The following PDGFRA variants were observed in gnomAD, a reference collection of about 807,000 sequenced individuals.
PDGFRA encodes platelet derived growth factor receptor alpha.
In PDGFRA, 25 loss-of-function variants were observed where a neutral mutation model predicts 121.5. The ratio of observed to expected loss-of-function variants is 0.21; its 90% CI spans 0.15 to 0.29. The LOEUF (loss-of-function observed/expected upper bound fraction) is 0.29, where lower values mean the gene tolerates loss of function less well. Ranked by LOEUF, PDGFRA falls within the 10% of genes least tolerant of loss-of-function variation. The pLI is 1.00. For synonymous variants in PDGFRA, 463 were observed against 494.8 expected (o/e 0.94, Z 0.85); for missense variants, 1,008 against 1,345.1 (o/e 0.75, Z 3.92).
chr4:54,284,100 T>C (rs1560487803), intron 16 of PDGFRA, among the ~76,000 whole-genome samples: 2 of 152,200 alleles, frequency 1.3e-5, no homozygotes, highest in Non-Finnish European at 2.9e-5. Flanking sequence ...GTGGCCAAGT[T>C]CTTTGCTGAA....
At chr4:54,290,113 C>G (rs1724549271) in intron 21 of PDGFRA, among the ~76,000 whole-genome samples, 200 bp from the exon 22 acceptor site, 1 of 152,214 alleles carries the variant, frequency 6.6e-6, no homozygotes, top group Admixed American at 6.5e-5. Context: ...ATGGCAGAAG[C>G]TCTTTACCAT....
At chr4:54,259,641 T>A (rs1424405992) in intron 2 of PDGFRA, among the ~76,000 whole-genome samples, 2 of 152,204 alleles carry the variant, frequency 1.3e-5, no homozygotes, top group Non-Finnish European at 1.5e-5. Context: ...CGTTAGTGTC[T>A]TTGTCTTACC....
At position 54,274,521 on chromosome 4, in the gene PDGFRA, T is replaced by C. The variant is rs1015210113; in HGVS notation, c.1559-10T>C. ...AACTTTTCATTGTGCCTCTCTCTCT[T>C]GTCACGTAGCCCTGCGTTCTGAACT... On this transcript the variant is annotated splice_polypyrimidine_tract_variant and intron_variant, in intron 10 of 22. Transcript: ENST00000257290. The C allele has an allele frequency of 1.2e-6, 2 of 1,605,718 alleles. No homozygotes were observed. Among genetic ancestry groups the C allele is most frequent in the Non-Finnish European group, 1.7e-6 (2 of 1,173,068 alleles).
At chr4:54,236,289 T>C (rs1167841503) in intron 1 of PDGFRA, among the ~76,000 whole-genome samples, 1 of 152,260 alleles carries the variant, frequency 6.6e-6, no homozygotes, top group African/African-American at 2.4e-5. Flanking sequence ...CACCTGACTT[T>C]AGATGAGCTC....
At position 54,278,241 on chromosome 4, in the gene PDGFRA, AAAAAAAAAAAAAC is replaced by A; in HGVS notation, c.2003-120_2003-108del. On this transcript the variant is annotated intron_variant, in intron 14 of 22. Coordinates refer to ENST00000257290, the MANE Select transcript of PDGFRA (RefSeq NM_006206.6). Reference sequence around the variant, plus strand: ...TCTTTATTAAAAAAAAAAAAAAAAAAAAAAAAAAAAAACTTTTTTGGTATCTTATTTTTTTCTG... The same window carrying A: ...TCTTTATTAAAAAAAAAAAAAAAAAATTTTTTGGTATCTTATTTTTTTCTG... 5.2e-4 allele frequency: 358 copies of A among 686,734 alleles called. 1 individual carries two copies. Among genetic ancestry groups the A allele is most frequent in the South Asian group, 8.1e-4 (48 of 59,002 alleles). 42.5% of individuals were successfully genotyped at this position (686,734 alleles called of 1,614,324 possible).
chr4:54,264,828 T>C, intron 4 of PDGFRA, 91 bp from the exon 5 acceptor site: 1 of 1,224,100 alleles, frequency 8.2e-7, no homozygotes, highest in East Asian at 2.3e-5. Context: ...TTTTTCAGGG[T>C]TTTCTTAAAA....
chr4:54,256,116 C>T (rs1187463955), intron 1 of PDGFRA, among the ~76,000 whole-genome samples: 1 of 151,982 alleles, frequency 6.6e-6, no homozygotes, highest in Admixed American at 6.6e-5. Context: ...GGTGTGGTGC[C>T]TTATGCCTGT....
In PDGFRA at chr4:54,287,391, A is replaced by C. The variant is rs757137049; in HGVS notation, c.2563-39A>C. The C allele has an allele frequency of 2.4e-4, 195 of 823,294 alleles. No homozygotes were observed. The Middle Eastern group carries it at 2.9e-3, about 12-fold the overall frequency. The allele number at this position is 823,294 out of a possible 1,614,324, so 51.0% of individuals were successfully genotyped here. On this transcript the variant is annotated intron_variant, in intron 18 of 22. Transcript: ENST00000257290. ...TTTCCACTGCTGTGGATCATCAGTG[A>C]GTAGACATGGGTTTAACTGTCTCCC...
At chr4:54,275,075 A>T (rs1210747253) in intron 12 of PDGFRA, 102 bp downstream of exon 12, 2 of 1,255,184 alleles carry the variant, frequency 1.6e-6, no homozygotes, top group Non-Finnish European at 2.3e-6. Context: ...TGTGCTTAGT[A>T]AGAACTAGGC....
At chr4:54,263,593 G>T in intron 3 of PDGFRA, 74 bp from the exon 4 acceptor site, 1 of 1,393,778 alleles carries the variant, frequency 7.2e-7, no homozygotes, top group Non-Finnish European at 1.0e-6. Context: ...ATGCCAGTGG[G>T]ATAGTTTTTC....
At chr4:54,235,076 C>T (rs1720937669) in intron 1 of PDGFRA, among the ~76,000 whole-genome samples, 1 of 152,182 alleles carries the variant, frequency 6.6e-6, no homozygotes, top group African/African-American at 2.4e-5. Context: ...GAGAAGTTTC[C>T]ACCAGTGTAG....
intron 1 of PDGFRA, among the ~76,000 whole-genome samples, chr4:54,247,794 G>A (rs968680271): frequency 3.7e-4 from 56 of 152,172 alleles, no homozygotes; most frequent in East Asian, 1.2e-3. Context: ...CCCTGTTTGC[G>A]GATGACATGA....
intron 12 of PDGFRA, chr4:54,277,111 T>C (rs566671368): frequency 6.2e-5 from 30 of 483,428 alleles, no homozygotes; most frequent in African/African-American, 5.9e-4. Context: ...ACGGAGCTGG[T>C]AGACAGCGCG....
intron 1 of PDGFRA, among the ~76,000 whole-genome samples, chr4:54,233,936 C>T (rs1720858602): frequency 6.6e-6 from 1 of 152,198 alleles, no homozygotes; most frequent in Non-Finnish European, 1.5e-5. Flanking sequence ...TTTATGGGGG[C>T]GGCGGTGGCG....
At chr4:54,272,301 T>C in intron 8 of PDGFRA, 93 bp from the exon 9 acceptor site, 4 of 1,384,874 alleles carry the variant, frequency 2.9e-6, no homozygotes, top group Non-Finnish European at 4.1e-6. Context: ...TTGAATGCCA[T>C]GTAGATGAGT....
chr4:54,281,532 C>G, intron 16 of PDGFRA: 1 of 1,265,784 alleles, frequency 7.9e-7, no homozygotes, highest in Non-Finnish European at 1.0e-6. Flanking sequence ...GGAACCAGTA[C>G]TTCCTCTCCC....
rs1577755845 is a variant in PDGFRA, at chr4:54,295,234, A to G, written c.3232A>G (p.Ile1078Val). ...EDIDMMDDIG[I>V]DSSDLVEDSF... ...CATCGACATGATGGATGACATCGGC[A>G]TAGACTCTTCAGACCTGGTGGAAGA... Residue 1078 changes from isoleucine to valine, a missense_variant, in exon 23 of 23, where the codon ATA becomes GTA. Ile to Val is a conservative substitution (Grantham distance 29). Transcript: ENST00000257290. The G allele has an allele frequency of 6.2e-7, 1 of 1,614,076 alleles. No homozygotes were observed. The highest frequency in any genetic ancestry group is 2.2e-5 in the East Asian group (1 of 44,872).
rs780125769 is a variant in PDGFRA at position 54,273,596 on chromosome 4, A to C, written c.1424A>C (p.Glu475Ala). 19 of 1,614,130 alleles carry C rather than the reference A, an allele frequency of 1.2e-5. No individual in the cohort carries two copies. The African/African-American group carries it at 2.1e-4, about 18-fold the overall frequency. The part of the protein sequence containing the change: ...LANNVSNIIT[E>A]IHSRDRSTVE... ...AACAATGTCTCAAACATCATCACGG[A>C]GATCCACTCCCGAGACAGGAGTACC... is the stretch of plus-strand genomic sequence containing the variant. The change falls in exon 10 of 23, where the codon GAG (glutamate) becomes GCG (alanine). Residue 475 changes from glutamate (E) to alanine (A), a missense_variant. Transcript: ENST00000257290.
At chr4:54,258,966 C>G (rs377542283) in intron 2 of PDGFRA, 149 bp downstream of exon 2, 2 of 718,496 alleles carry the variant, frequency 2.8e-6, no homozygotes. Flanking sequence ...CCAGAATGAC[C>G]ACAAACCTTC....
Sources: gnomAD v4.1 joint callset for allele counts (sites outside exome capture counted in the v4.1 genomes callset) on GRCh38, gnomAD v4.1.1 for gene constraint, MANE v1.5 for transcripts, NCBI Gene and HGNC (gene_info 2026-07-23, HGNC 2026-07-21) for gene names.